Variants in MARCHF5 observed in about 807,000 individuals in gnomAD.
MARCHF5 encodes the protein membrane associated ring-CH-type finger 5.
A neutral mutation model predicts 36.5 loss-of-function variants in MARCHF5; 5 were observed. The observed-to-expected ratio is 0.14, with a 90% CI of 0.07 to 0.29. MARCHF5 has a LOEUF of 0.29. MARCHF5 is among the 10% of genes least tolerant of loss of function. The pLI, the probability that MARCHF5 is intolerant of heterozygous loss-of-function variation, is 1.00. For synonymous variants in MARCHF5, 103 were observed against 109.9 expected (o/e 0.94, Z 0.39); for missense variants, 179 against 336.3 (o/e 0.53, Z 3.66).
At chr10:92,324,268 A>G (rs1406825952) in intron 2 of MARCHF5, among the ~76,000 whole-genome samples, 6 of 152,098 alleles carry the variant, frequency 3.9e-5, no homozygotes, top group Non-Finnish European at 5.9e-5. Flanking sequence ...ATTTTGGATA[A>G]AAGTTCTTTG....
intron 3 of MARCHF5, among the ~76,000 whole-genome samples, 161 bp downstream of exon 3, chr10:92,340,964 A>G (rs1333659347): frequency 6.6e-6 from 1 of 152,238 alleles, no homozygotes; most frequent in South Asian, 2.1e-4. Flanking sequence ...AAAAAGGAGC[A>G]TATTATAGCT....
intron 1 of MARCHF5, among the ~76,000 whole-genome samples, chr10:92,302,438 C>CTTTTTT (rs1564942999): frequency 1.6e-5 from 1 of 60,988 alleles, no homozygotes; most frequent in Non-Finnish European, 3.0e-5. Context: ...TTTCTTTTTT[C>CTTTTTT]TTTTTTTTTC....
chr10:92,322,255 A>T (rs976384816), intron 2 of MARCHF5, among the ~76,000 whole-genome samples: 3 of 147,020 alleles, frequency 2.0e-5, no homozygotes, highest in African/African-American at 7.7e-5. Flanking sequence ...AAAAAAAAAA[A>T]AAAAAAAAAA....
chr10:92,332,400 A>C (rs1179218014), intron 2 of MARCHF5, among the ~76,000 whole-genome samples: 2 of 152,044 alleles, frequency 1.3e-5, no homozygotes, highest in Admixed American at 6.6e-5. Flanking sequence ...TGAAACTTAC[A>C]TAAGCGACTT....
intron 2 of MARCHF5, among the ~76,000 whole-genome samples, chr10:92,329,703 T>C (rs1843414629): frequency 1.3e-5 from 2 of 152,234 alleles, no homozygotes. Context: ...CACTTAGCCT[T>C]CAGAGAAATG....
At chr10:92,332,212 A>G (rs1237853227) in intron 2 of MARCHF5, among the ~76,000 whole-genome samples, 1 of 151,888 alleles carries the variant, frequency 6.6e-6, no homozygotes. Flanking sequence ...CTACAATAAA[A>G]TATATATAAT....
chr10:92,328,821 A>ATATATATATATATATATAT (rs372130854), intron 2 of MARCHF5, among the ~76,000 whole-genome samples: 16 of 122,412 alleles, frequency 1.3e-4, no homozygotes, highest in African/African-American at 5.0e-4. Flanking sequence ...ATATATATAT[A>ATATATATATATATATATAT]TTTTTTTTTT....
chr10:92,295,310 CTTTTCT>C (rs764223568), intron 1 of MARCHF5, among the ~76,000 whole-genome samples: 5,260 of 26,040 alleles, frequency 0.2, 271 homozygotes, highest in Non-Finnish European at 0.23. Flanking sequence ...CTAGAGGCAA[CTTTTCT>C]TTTTTTTTTT....
At chr10:92,332,764 C>T (rs1251145809) in intron 2 of MARCHF5, among the ~76,000 whole-genome samples, 1 of 151,866 alleles carries the variant, frequency 6.6e-6, no homozygotes, top group African/African-American at 2.4e-5. Context: ...TGAGATCCAC[C>T]TGCCTCAGCC....
chr10:92,325,050 G>A (rs1198314704), intron 2 of MARCHF5, among the ~76,000 whole-genome samples: 1 of 152,118 alleles, frequency 6.6e-6, no homozygotes, highest in Non-Finnish European at 1.5e-5. Flanking sequence ...ATTTAAAATA[G>A]AGTGGTGAGT....
At chr10:92,317,310 G>A (rs1843224091) in intron 2 of MARCHF5, among the ~76,000 whole-genome samples, 1 of 152,152 alleles carries the variant, frequency 6.6e-6, no homozygotes. Context: ...CGTTGCCCAG[G>A]CTGGTCTCAA....
At chr10:92,294,357 A>G (rs1192540433) in intron 1 of MARCHF5, among the ~76,000 whole-genome samples, 1 of 152,202 alleles carries the variant, frequency 6.6e-6, no homozygotes, top group Admixed American at 6.5e-5. Flanking sequence ...TCTCTATAAA[A>G]CAGCAAAACA....
intron 2 of MARCHF5, among the ~76,000 whole-genome samples, chr10:92,315,924 A>G (rs559128786): frequency 3.8e-4 from 58 of 152,336 alleles, no homozygotes; most frequent in African/African-American, 1.4e-3. Flanking sequence ...TAAAGAACCT[A>G]AAAGGATTTC....
intron 2 of MARCHF5, among the ~76,000 whole-genome samples, chr10:92,328,817 A>ATTTT (rs1343619682): frequency 7.0e-5 from 6 of 86,302 alleles, no homozygotes; most frequent in South Asian, 3.6e-4. Flanking sequence ...ATATATATAT[A>ATTTT]TATATTTTTT....
intron 2 of MARCHF5, among the ~76,000 whole-genome samples, chr10:92,325,929 T>C (rs1339698339): frequency 1.3e-5 from 2 of 152,226 alleles, no homozygotes; most frequent in Non-Finnish European, 2.9e-5. Flanking sequence ...TCCGCCTGCC[T>C]TGGCCTCCCA....
At chr10:92,340,609 T>G in intron 2 of MARCHF5, 64 bp from the exon 3 acceptor site, 1 of 1,450,242 alleles carries the variant, frequency 6.9e-7, no homozygotes, top group Non-Finnish European at 9.3e-7. Context: ...ATAGAAAATA[T>G]CAAACAAGTC....
intron 2 of MARCHF5, 89 bp from the exon 3 acceptor site, chr10:92,340,584 A>T: frequency 1.7e-6 from 2 of 1,209,992 alleles, no homozygotes; most frequent in Non-Finnish European, 2.3e-6. Context: ...GTTGGGGGGA[A>T]GGTATTTTAG....
rs184930656 is a variant in MARCHF5, at chr10:92,313,460, C to T, written c.238+2123C>T. Among the ~76,000 whole-genome samples the T allele has an allele frequency of 4.7e-3, 717 of 151,908 alleles. 8 individuals carry two copies. The highest frequency in any genetic ancestry group is 0.031 in the Middle Eastern group (9 of 292). ...TCTACTAAAAATACAAAAAAATTAG[C>T]CAGCCTTGGTGGCAGGTGCCTCTAG... On this transcript the variant is annotated intron_variant, in intron 2 of 5. Transcript: ENST00000358935.
chr10:92,325,871 GT>G (rs1341035770), intron 2 of MARCHF5, among the ~76,000 whole-genome samples: 2 of 152,068 alleles, frequency 1.3e-5, no homozygotes, highest in Non-Finnish European at 2.9e-5. Flanking sequence ...TAGAGATGAG[GT>G]TTCACCATGT....
Sources: gnomAD v4.1 joint callset for allele counts (sites outside exome capture counted in the v4.1 genomes callset) on GRCh38, gnomAD v4.1.1 for gene constraint, MANE v1.5 for transcripts, NCBI Gene and HGNC (gene_info 2026-07-23, HGNC 2026-07-21) for gene names.